The following TANC1 variants were observed in gnomAD, a reference collection of about 807,000 sequenced individuals.
TANC1 encodes tetratricopeptide repeat, ankyrin repeat and coiled-coil containing 1, also known as protein TANC1.
TANC1 carries 77 observed loss-of-function variants against 149.7 expected under a neutral mutation model. The observed-to-expected ratio is 0.51, with a 90% confidence interval of 0.43 to 0.62. The LOEUF (loss-of-function observed/expected upper bound fraction) is 0.62. TANC1 is among the 20% of genes least tolerant of loss of function. The pLI is 0.00. For missense variants in TANC1, 1,985 were observed against 2,321.8 expected (o/e 0.85, Z 2.98); for synonymous variants, 854 against 925.0 (o/e 0.92, Z 1.39).
chr2:159,116,398 G>A (rs192030718), intron 4 of TANC1, among the ~76,000 whole-genome samples: 188 of 151,742 alleles, frequency 1.2e-3, no homozygotes, highest in African/African-American at 4.5e-3. Context: ...CTGTATTACA[G>A]CCTGGGTGAC....
In TANC1 at chr2:159,217,588, G is replaced by A. The variant is rs368946665; in HGVS notation, c.3336G>A (p.Gly1112=). The A allele has an allele frequency of 1.1e-5, 17 of 1,614,244 alleles. No individual in the cohort carries two copies. Among genetic ancestry groups the A allele is most frequent in the Non-Finnish European group, 1.4e-5 (17 of 1,180,052 alleles). The change falls in exon 20 of 27, where the codon GGG becomes GGA. Residue 1112 remains glycine, a synonymous_variant. Coordinates refer to ENST00000263635, the MANE Select transcript of TANC1 (RefSeq NM_033394.3). ...GAAVSRTNRR[G]VPPLFCAARQ... The stretch of plus-strand genomic sequence containing the variant: ...CTGTGTCGCGGACAAACAGGAGAGG[G>A]GTTCCACCTTTGTTTTGTGCAGCAC...
intron 19 of TANC1, among the ~76,000 whole-genome samples, chr2:159,207,883 C>G (rs907945026): frequency 6.6e-6 from 1 of 151,896 alleles, no homozygotes. Flanking sequence ...TATGGAGGAC[C>G]AAGAGCATCG....
At position 159,128,366 on chromosome 2, in the gene TANC1, G is replaced by A. The variant is rs560245413; in HGVS notation, c.260-7828G>A. Among the ~76,000 whole-genome samples, 118 of 152,330 alleles carry A rather than the reference G, an allele frequency of 7.7e-4. 1 individual carries two copies. Among genetic ancestry groups the A allele is most frequent in the African/African-American group, 2.8e-3 (117 of 41,570 alleles). The stretch of plus-strand genomic sequence containing the variant: ...ATACCCTGTATCCCAGGAGTTGTGG[G>A]GGGCCTGGTGCTGCGTTTTGTCATT... On this transcript the variant is annotated intron_variant, in intron 4 of 26. Coordinates refer to ENST00000263635, the MANE Select transcript of TANC1 (RefSeq NM_033394.3).
Position 159,001,504 on chromosome 2 carries a change from A to G in TANC1, c.-16+315A>G, listed in dbSNP as rs2036613888. Among the ~76,000 whole-genome samples the G allele has an allele frequency of 1.3e-5, 2 of 152,192 alleles. No homozygotes were observed. Among genetic ancestry groups the G allele is most frequent in the African/African-American group, 2.4e-5 (1 of 41,440 alleles). On this transcript the variant is annotated intron_variant, in intron 2 of 26. Transcript: ENST00000263635. This position sits in a 1 kb window ranked among gnomAD's most constrained non-coding sequence, Gnocchi z 4.3. The stretch of plus-strand genomic sequence containing the variant: ...GAACTATATACTTAAAAATGGTTAA[A>G]ACGGTAAATTTTATGTCTATTTTAT...
At chr2:159,013,504 G>A (rs1364179459) in intron 2 of TANC1, among the ~76,000 whole-genome samples, 1 of 152,162 alleles carries the variant, frequency 6.6e-6, no homozygotes, top group Admixed American at 6.5e-5. Context: ...CTGATTTATA[G>A]CAGTGTGATA....
chr2:159,051,491 A>C (rs2041457867), intron 2 of TANC1, among the ~76,000 whole-genome samples: 1 of 152,228 alleles, frequency 6.6e-6, no homozygotes, highest in Non-Finnish European at 1.5e-5. Context: ...ACTGGGTTTT[A>C]GAGGAAAAAC....
Position 159,231,597 on chromosome 2 carries a change from A to AT in TANC1, c.*586dup, listed in dbSNP as rs1369056786. 1.2e-4 allele frequency: 19 copies of AT among 152,584 alleles called. No homozygotes were observed. Among genetic ancestry groups the AT allele is most frequent in the African/African-American group, 4.3e-4 (18 of 41,588 alleles). 9.5% of individuals were successfully genotyped at this position (152,584 alleles called of 1,614,324 possible). A position where few individuals can be genotyped will look rare whatever the true frequency, so the allele number is the denominator to read the frequency against. ...AAGTATTCTCTTCATAGCAGTTCCT[A>AT]TAAAGGGATTAAACACTTATTTCTG... On this transcript the variant is annotated 3_prime_UTR_variant, in exon 27 of 27. Transcript: ENST00000263635.
At chr2:159,022,715 G>A (rs189642966) in intron 2 of TANC1, among the ~76,000 whole-genome samples, 1 of 152,226 alleles carries the variant, frequency 6.6e-6, no homozygotes, top group Admixed American at 6.5e-5. Context: ...TCCAGCCTGG[G>A]CAATAGAGCA....
At chr2:159,023,864 A>G (rs1448413336) in intron 2 of TANC1, among the ~76,000 whole-genome samples, 1 of 151,892 alleles carries the variant, frequency 6.6e-6, no homozygotes, top group Non-Finnish European at 1.5e-5. Flanking sequence ...GCTACTCGAG[A>G]GGCTGAGGCA....
chr2:159,104,975 T>G, intron 4 of TANC1, among the ~76,000 whole-genome samples: 1 of 115,438 alleles, frequency 8.7e-6, no homozygotes, highest in Non-Finnish European at 1.8e-5. Flanking sequence ...GATTGTTGGA[T>G]ATTTGCTTTT....
Position 159,170,791 on chromosome 2 carries a change from G to T in TANC1, c.1337G>T (p.Gly446Val), listed in dbSNP as rs764975091. 6.2e-7 allele frequency: 1 copy of T among 1,613,804 alleles called. No homozygotes were observed. The change falls in exon 10 of 27, where the codon GGT becomes GTT. Residue 446 changes from glycine (G) to valine (V), a missense_variant. By Grantham distance (109) the Gly-to-Val change is moderately radical. This residue lies in a region of TANC1 where 557 missense variants were observed against 612.9 expected (regional missense o/e 0.91). Transcript: ENST00000263635. ...RMRQIASNSPGSSPKTSDPTQ... is the reference protein window; with the variant it reads ...RMRQIASNSPVSSPKTSDPTQ... ...AGGCAGATTGCTTCCAACAGCCCGG[G>T]TTCATCACCTAAAAGTACGTGCATG...
intron 1 of TANC1, among the ~76,000 whole-genome samples, chr2:158,987,986 C>T (rs1158958381): frequency 6.6e-6 from 1 of 152,036 alleles, no homozygotes; most frequent in Non-Finnish European, 1.5e-5. Flanking sequence ...TAATTTTCCT[C>T]CACAGTTGGA....
At chr2:159,149,433 T>C (rs961954572) in intron 6 of TANC1, 161 bp downstream of exon 6, 10 of 1,028,168 alleles carry the variant, frequency 9.7e-6, no homozygotes, top group Non-Finnish European at 1.3e-5. Flanking sequence ...TTCTGGGTTT[T>C]TGCAGTGGGG....
chr2:159,071,818 T>A (rs2043178836), intron 3 of TANC1, among the ~76,000 whole-genome samples: 1 of 152,072 alleles, frequency 6.6e-6, no homozygotes, highest in African/African-American at 2.4e-5. Flanking sequence ...ATATTTGGTA[T>A]CTTCTTGTTA....
At chr2:159,181,928 CGGTGGCTT>C (rs1369885587) in intron 14 of TANC1, among the ~76,000 whole-genome samples, 4 of 151,988 alleles carry the variant, frequency 2.6e-5, no homozygotes, top group African/African-American at 9.7e-5. Flanking sequence ...TGGCCGGGTG[CGGTGGCTT>C]ACGTGCGTAA....
intron 3 of TANC1, among the ~76,000 whole-genome samples, chr2:159,080,747 G>A (rs1355697705): frequency 6.6e-6 from 1 of 152,132 alleles, no homozygotes; most frequent in Admixed American, 6.5e-5. Flanking sequence ...GATTTGCTTT[G>A]GCTCCTTGAG....
At chr2:158,983,360 G>A (rs995890879) in intron 1 of TANC1, among the ~76,000 whole-genome samples, 10 of 151,218 alleles carry the variant, frequency 6.6e-5, no homozygotes, top group Non-Finnish European at 1.5e-4. Flanking sequence ...CCAGCTACTC[G>A]GGAGGCTGAG....
At chr2:159,136,043 T>TGCGTGC (rs1284992674) in intron 4 of TANC1, 151 bp from the exon 5 acceptor site, 6 of 214,712 alleles carry the variant, frequency 2.8e-5, no homozygotes, top group Admixed American at 2.5e-4. Flanking sequence ...TGTGTGTGTG[T>TGCGTGC]GTGTGTGCGC....
At chr2:159,114,834 T>C (rs1310113236) in intron 4 of TANC1, among the ~76,000 whole-genome samples, 1 of 152,220 alleles carries the variant, frequency 6.6e-6, no homozygotes, top group African/African-American at 2.4e-5. Context: ...ATCCCTTTCA[T>C]TGTAAGAGGA....
Sources: allele counts gnomAD v4.1 joint callset (sites outside exome capture counted in the v4.1 genomes callset), GRCh38; gene constraint gnomAD v4.1.1; regional missense constraint gnomAD v4.1.1; non-coding constraint Gnocchi (gnomAD v3.1); transcripts MANE v1.5; gene names NCBI Gene and HGNC (gene_info 2026-07-23, HGNC 2026-07-21).